The following FBXO34 variants were observed in gnomAD, a reference collection of about 807,000 sequenced individuals.
FBXO34 encodes F-box only protein 34.
A neutral mutation model predicts 24.5 loss-of-function variants in FBXO34; 12 were observed. That is an observed-to-expected ratio of 0.49 (90% CI 0.31 to 0.79). The LOEUF is 0.79. Ranked by LOEUF, FBXO34 falls within the 30% of genes least tolerant of loss-of-function variation. FBXO34 has a pLI of 0.04. For missense variants in FBXO34, 823 were observed against 857.7 expected, an observed-to-expected ratio of 0.96 and a Z score of 0.51; for synonymous variants, 320 against 311.9, an observed-to-expected ratio of 1.03 and a Z score of -0.27.
At chr14:55,390,850 A>T in the FBXO34 span, 1 of 1,170,118 alleles carries the variant, frequency 8.5e-7, no homozygotes, top group Non-Finnish European at 1.2e-6. Flanking sequence ...TAGTTTATTA[A>T]TCCCATGAAA....
chr14:55,297,450 C>T (rs530041341), intron 1 of FBXO34, among the ~76,000 whole-genome samples: 7 of 152,214 alleles, frequency 4.6e-5, no homozygotes, highest in South Asian at 2.1e-4. Context: ...AATAATATTA[C>T]CCACTTATTA....
At chr14:55,382,128 A>C in the FBXO34 span, 2 of 1,614,088 alleles carry the variant, frequency 1.2e-6, no homozygotes, top group East Asian at 4.5e-5. Context: ...GGGCTTCAGC[A>C]AGCTTGCTCA....
downstream of FBXO34, among the ~76,000 whole-genome samples, chr14:55,353,969 G>C (rs1443779138): frequency 6.6e-6 from 1 of 152,194 alleles, no homozygotes; most frequent in Admixed American, 6.5e-5. Flanking sequence ...GAAAGCTGCT[G>C]TGGGTGGAAG....
chr14:55,349,664 G>T (rs959363434), intron 1 of FBXO34, among the ~76,000 whole-genome samples: 3 of 147,346 alleles, frequency 2.0e-5, no homozygotes, highest in African/African-American at 5.1e-5. Context: ...TTGGAGGGCA[G>T]TGGTGTGTGC....
At chr14:55,405,803 AG>A in the FBXO34 span, among the ~76,000 whole-genome samples, 7 of 150,848 alleles carry the variant, frequency 4.6e-5, no homozygotes, top group Non-Finnish European at 1.0e-4. Flanking sequence ...TCATCCCTTA[AG>A]GAAGCATACA....
rs371016550 is a variant in FBXO34, at chr14:55,279,334, C to T, written c.-11+7797C>T. ...ATATTTAGTGGGGTCTAATAATTTC[C>T]AAGTGGTGATGAGTATTATTACTAT... is the stretch of plus-strand genomic sequence containing the variant. On this transcript the variant is annotated intron_variant, in intron 1 of 1. Coordinates refer to ENST00000313833, the MANE Select transcript of FBXO34 (RefSeq NM_017943.4). Among the ~76,000 whole-genome samples, 35 of 150,972 alleles carry T rather than the reference C, an allele frequency of 2.3e-4. No individual in the cohort carries two copies. The South Asian group carries it at 7.3e-3, about 32-fold the overall frequency.
intron 1 of FBXO34, among the ~76,000 whole-genome samples, chr14:55,320,093 G>C (rs972484159): frequency 5.3e-5 from 8 of 152,192 alleles, no homozygotes; most frequent in Non-Finnish European, 1.2e-4. Context: ...GACCGCCTCA[G>C]GTTATCCAGG....
downstream of FBXO34, among the ~76,000 whole-genome samples, chr14:55,362,323 A>G (rs1594771749): frequency 3.9e-5 from 6 of 152,238 alleles, no homozygotes; most frequent in Admixed American, 3.9e-4. Flanking sequence ...CAATAGTAAC[A>G]TCAAAGATCA....
chr14:55,303,493 T>C (rs1362999357), intron 1 of FBXO34, among the ~76,000 whole-genome samples: 1 of 152,104 alleles, frequency 6.6e-6, no homozygotes, highest in Non-Finnish European at 1.5e-5. Flanking sequence ...TAAATGGGTA[T>C]ATCTAAGGTC....
the FBXO34 span, chr14:55,381,929 T>C: frequency 1.9e-6 from 3 of 1,561,396 alleles, no homozygotes; most frequent in African/African-American, 2.7e-5. Flanking sequence ...ACTCTCTCTA[T>C]ATATAGATTT....
the FBXO34 span, chr14:55,385,803 TA>T: frequency 7.1e-7 from 1 of 1,413,784 alleles, no homozygotes. Flanking sequence ...TGACATACTT[TA>T]AAAAGTATTT....
intron 1 of FBXO34, among the ~76,000 whole-genome samples, chr14:55,329,940 TTCTC>T (rs778652182): frequency 1.3e-5 from 2 of 152,082 alleles, no homozygotes; most frequent in African/African-American, 2.4e-5. Context: ...GTTTTTTTGT[TTCTC>T]TACTACTGGT....
downstream of FBXO34, chr14:55,369,906 G>T: frequency 5.6e-6 from 9 of 1,611,308 alleles, no homozygotes; most frequent in Non-Finnish European, 6.8e-6. Flanking sequence ...AGGTCTGCTC[G>T]TACTTCAAAG....
At chr14:55,390,650 C>T in the FBXO34 span, among the ~76,000 whole-genome samples, 2 of 152,184 alleles carry the variant, frequency 1.3e-5, no homozygotes, top group Non-Finnish European at 2.9e-5. Flanking sequence ...GGATTACAGG[C>T]GTGAGCTACC....
At chr14:55,338,087 T>TCG (rs968802962) in intron 1 of FBXO34, among the ~76,000 whole-genome samples, 1 of 135,374 alleles carries the variant, frequency 7.4e-6, no homozygotes, top group African/African-American at 2.8e-5. Context: ...TCTCGCTCTG[T>TCG]CGCCCAGGCT....
intron 1 of FBXO34, among the ~76,000 whole-genome samples, chr14:55,332,179 A>G (rs927391186): frequency 6.6e-6 from 1 of 151,172 alleles, no homozygotes; most frequent in African/African-American, 2.4e-5. Context: ...CTTTGATCAC[A>G]CATCTTCTGG....
At chr14:55,411,672 G>C in the FBXO34 span, 11 of 1,613,414 alleles carry the variant, frequency 6.8e-6, no homozygotes, top group Non-Finnish European at 9.3e-6. Context: ...GTCAGCCGCC[G>C]GCGGGTAGTG....
intron 1 of FBXO34, among the ~76,000 whole-genome samples, chr14:55,291,928 C>T (rs144778681): frequency 2.6e-3 from 402 of 152,130 alleles, no homozygotes; most frequent in Non-Finnish European, 4.7e-3. Context: ...ATTGCACCAC[C>T]GCTCTCCAGC....
the FBXO34 span, among the ~76,000 whole-genome samples, chr14:55,389,216 A>C: frequency 6.6e-6 from 1 of 152,254 alleles, no homozygotes; most frequent in Admixed American, 6.5e-5. Context: ...TCATCAGAGA[A>C]ACACGCATGA....
Sources: allele counts gnomAD v4.1 joint callset (sites outside exome capture counted in the v4.1 genomes callset), GRCh38; gene constraint gnomAD v4.1.1; transcripts MANE v1.5; gene names NCBI Gene and HGNC (gene_info 2026-07-23, HGNC 2026-07-21).